SRGAP1: variants seen among roughly 807,000 people sequenced by gnomAD.
SRGAP1 encodes SLIT-ROBO Rho GTPase-activating protein 1.
A neutral mutation model predicts 121.9 loss-of-function variants in SRGAP1; 43 were observed. The observed-to-expected ratio is 0.35, with a 90% CI of 0.28 to 0.46. The LOEUF is 0.46. SRGAP1 is among the 20% of genes least tolerant of loss of function. The pLI, the probability that SRGAP1 is intolerant of heterozygous loss-of-function variation, is 1.00. For synonymous variants in SRGAP1, 447 were observed against 485.4 expected (o/e 0.92, Z 1.04); for missense variants, 1,102 against 1,350.9 (o/e 0.82, Z 2.89).
At position 64,152,523 on chromosome 12, in the gene SRGAP1, A is replaced by G. The variant is rs917984625; in HGVS notation, c.*9851A>G. 7 of 152,238 alleles carry G rather than the reference A, an allele frequency of 4.6e-5. No individual in the cohort carries two copies. The highest frequency in any genetic ancestry group is 1.4e-4 in the African/African-American group (6 of 41,456). The allele number at this position is 152,238 out of a possible 1,614,324, so 9.4% of individuals were successfully genotyped here. A position where few individuals can be genotyped will look rare whatever the true frequency, so the allele number is the denominator to read the frequency against. ...ATAGCAAATCGGCGGAACTGAAATGAATTCAATGTCTGCCGCTTTGACCTC... is the reference window on the plus strand; with the variant it reads ...ATAGCAAATCGGCGGAACTGAAATGGATTCAATGTCTGCCGCTTTGACCTC... On this transcript the variant is annotated 3_prime_UTR_variant, in exon 22 of 22. Coordinates refer to ENST00000355086, the MANE Select transcript of SRGAP1 (RefSeq NM_020762.4).
chr12:63,921,169 T>C (rs182434775), intron 1 of SRGAP1, among the ~76,000 whole-genome samples: 1 of 152,294 alleles, frequency 6.6e-6, no homozygotes, highest in East Asian at 1.9e-4. Flanking sequence ...ACTTCTAAAA[T>C]ATCTCTAGAA....
chr12:64,056,941 C>G (rs988618377), intron 6 of SRGAP1, among the ~76,000 whole-genome samples: 6 of 152,154 alleles, frequency 3.9e-5, no homozygotes, highest in Admixed American at 1.3e-4. Flanking sequence ...TTTATCTTAT[C>G]TATAGCATTT....
intron 1 of SRGAP1, among the ~76,000 whole-genome samples, chr12:63,869,709 C>T (rs575417084): frequency 2.0e-5 from 3 of 152,230 alleles, no homozygotes; most frequent in East Asian, 1.9e-4. Flanking sequence ...TACTTGTAAT[C>T]GAATCCAAAA....
Position 64,161,916 on chromosome 12 carries a change from CT to C in SRGAP1, c.*19245del. 1 of 152,314 alleles carries C rather than the reference CT, an allele frequency of 6.6e-6. No homozygotes were observed. The highest frequency in any genetic ancestry group is 1.9e-4 in the East Asian group (1 of 5,194). The allele number at this position is 152,314 out of a possible 1,614,324, so 9.4% of individuals were successfully genotyped here. A position where few individuals can be genotyped will look rare whatever the true frequency, so the allele number is the denominator to read the frequency against. On this transcript the variant is annotated 3_prime_UTR_variant, in exon 22 of 22. Coordinates refer to ENST00000355086, the MANE Select transcript of SRGAP1 (RefSeq NM_020762.4). ...GGAAAGAACGGAGTACTGATACACG[CT>C]ACAACATGGGTAAACTGAAAACATT...
chr12:63,865,745 G>A (rs992686323), intron 1 of SRGAP1, among the ~76,000 whole-genome samples: 2 of 152,106 alleles, frequency 1.3e-5, no homozygotes, highest in Non-Finnish European at 2.9e-5. Flanking sequence ...GACCAGTGCC[G>A]GCTGCAGGTG....
At chr12:64,098,145 C>T (rs753283914) in intron 15 of SRGAP1, among the ~76,000 whole-genome samples, 3 of 151,980 alleles carry the variant, frequency 2.0e-5, no homozygotes, top group South Asian at 2.1e-4. Context: ...AAGAAATCTC[C>T]GTACAGTCCC....
chr12:64,087,703 T>C (rs1459206447), intron 11 of SRGAP1, among the ~76,000 whole-genome samples: 3 of 151,732 alleles, frequency 2.0e-5, no homozygotes, highest in Non-Finnish European at 4.4e-5. Context: ...GCCACCACAC[T>C]CCAGCCTGGG....
chr12:64,116,762 G>T (rs763955672), intron 18 of SRGAP1, among the ~76,000 whole-genome samples: 20 of 152,166 alleles, frequency 1.3e-4, no homozygotes, highest in Non-Finnish European at 2.6e-4. Flanking sequence ...TGTATGCCTA[G>T]GAGTAACCGT....
intron 10 of SRGAP1, 111 bp from the exon 11 acceptor site, chr12:64,086,888 A>G: frequency 1.3e-6 from 1 of 746,816 alleles, no homozygotes; most frequent in Non-Finnish European, 2.3e-6. Context: ...AAAAACGTGT[A>G]AGTTATTACA....
Position 64,153,725 on chromosome 12 carries a change from A to C in SRGAP1, c.*11053A>C, listed in dbSNP as rs994855257. ...TGTTGGTGGGAATGTAAAATGGTAG[A>C]GCCACTAAGGAAAACAGTGTGGAAG... On this transcript the variant is annotated 3_prime_UTR_variant, in exon 22 of 22. Transcript: ENST00000355086. The C allele has an allele frequency of 2.0e-5, 3 of 152,202 alleles. No individual in the cohort carries two copies. The highest frequency in any genetic ancestry group is 4.4e-5 in the Non-Finnish European group (3 of 68,040). The allele number at this position is 152,202 out of a possible 1,614,324, so 9.4% of individuals were successfully genotyped here.
Position 63,849,027 on chromosome 12 carries a change from T to C in SRGAP1, c.67+4144T>C, listed in dbSNP as rs189246937. 1.5e-3 allele frequency among the ~76,000 whole-genome samples: 221 copies of C among 152,300 alleles called. 2 individuals carry two copies. Among genetic ancestry groups the C allele is most frequent in the Non-Finnish European group, 1.5e-3 (99 of 68,002 alleles). ...TGGTTAAACAGTGGATAGGTTTAAA[T>C]GGGGGACAAAAGGGGACCCCAGGCA... On this transcript the variant is annotated intron_variant, in intron 1 of 21. Coordinates refer to ENST00000355086, the MANE Select transcript of SRGAP1 (RefSeq NM_020762.4).
At chr12:63,956,127 C>A (rs1227388694) in intron 1 of SRGAP1, among the ~76,000 whole-genome samples, 1 of 152,056 alleles carries the variant, frequency 6.6e-6, no homozygotes, top group Non-Finnish European at 1.5e-5. Flanking sequence ...TTGGCGCAAT[C>A]CCGAGTAGTT....
chr12:64,109,059 C>T, intron 16 of SRGAP1, 22 bp downstream of exon 16: 1 of 1,429,920 alleles, frequency 7.0e-7, no homozygotes, highest in Non-Finnish European at 9.5e-7. Flanking sequence ...AATGCTCTGA[C>T]AAAAGGCCCA....
chr12:63,908,292 A>G (rs1212096361), intron 1 of SRGAP1, among the ~76,000 whole-genome samples: 3 of 152,196 alleles, frequency 2.0e-5, no homozygotes, highest in Non-Finnish European at 1.5e-5. Flanking sequence ...CTATACATCA[A>G]TTTGGAGACC....
At chr12:64,068,926 C>G (rs924728794) in intron 8 of SRGAP1, among the ~76,000 whole-genome samples, 3 of 151,076 alleles carry the variant, frequency 2.0e-5, no homozygotes, top group African/African-American at 7.3e-5. Context: ...AGGAGAATCA[C>G]TTGAACCCAG....
chr12:64,043,374 C>T (rs2035061518), intron 5 of SRGAP1, 73 bp from the exon 6 acceptor site: 11 of 1,406,038 alleles, frequency 7.8e-6, no homozygotes, highest in Non-Finnish European at 9.7e-6. Flanking sequence ...AATAAAAATG[C>T]ATGTATGTTT....
intron 1 of SRGAP1, among the ~76,000 whole-genome samples, chr12:63,908,542 A>G (rs2030335385): frequency 6.6e-6 from 1 of 152,010 alleles, no homozygotes; most frequent in African/African-American, 2.4e-5. Context: ...GGCACCCACC[A>G]CCACACCTGG....
At chr12:63,935,450 A>C (rs2031633003) in intron 1 of SRGAP1, among the ~76,000 whole-genome samples, 1 of 152,176 alleles carries the variant, frequency 6.6e-6, no homozygotes, top group South Asian at 2.1e-4. Context: ...TGGTGAATTT[A>C]TCTTTTATGA....
chr12:63,874,502 C>T (rs538997470), intron 1 of SRGAP1, among the ~76,000 whole-genome samples: 3 of 151,920 alleles, frequency 2.0e-5, no homozygotes, highest in Non-Finnish European at 4.4e-5. Context: ...CACGCCCGGC[C>T]GAAAGTGTGA....
Sources: gnomAD v4.1 joint callset for allele counts (sites outside exome capture counted in the v4.1 genomes callset) on GRCh38, gnomAD v4.1.1 for gene constraint, MANE v1.5 for transcripts, NCBI Gene and HGNC (gene_info 2026-07-23, HGNC 2026-07-21) for gene names.